FLACC1: variants seen among roughly 807,000 people sequenced by gnomAD.
The protein encoded by FLACC1 is flagellum-associated coiled-coil domain-containing protein 1.
A neutral mutation model predicts 62.8 loss-of-function variants in FLACC1; 66 were observed. That is an observed-to-expected ratio of 1.05 (90% CI 0.86 to 1.29). FLACC1 has a LOEUF of 1.29. Among genes scored for constraint, FLACC1 ranks in the 50% most tolerant of loss-of-function variants. The pLI, the probability that FLACC1 is intolerant of heterozygous loss-of-function variation, is 0.00. For missense variants in FLACC1, 452 were observed against 489.1 expected (o/e 0.92, Z 0.71); for synonymous variants, 156 against 161.0 (o/e 0.97, Z 0.24).
chr2:201,326,837 T>A lies in FLACC1; in HGVS notation c.675+3633A>T, dbSNP rs1950508394. Among the ~76,000 whole-genome samples the A allele has an allele frequency of 6.6e-6, 1 of 152,060 alleles. No individual in the cohort carries two copies. Among genetic ancestry groups the A allele is most frequent in the Admixed American group, 6.5e-5 (1 of 15,270 alleles). ...TAGAAAAAAAGTTCTAAAATTCATA[T>A]GGAACCAAAAAAGAGCCAGAATAGC... is the stretch of plus-strand genomic sequence containing the variant. On this transcript the variant is annotated intron_variant, in intron 9 of 14. Coordinates refer to ENST00000392257, the MANE Select transcript of FLACC1 (RefSeq NM_001127391.3). The surrounding 1 kb of genome is among the most constrained non-coding windows in gnomAD (Gnocchi z 4.1).
chr2:201,326,227 TG>T lies in FLACC1; in HGVS notation c.675+4242del, dbSNP rs139007758. ...AACATCATACTGAATGGAAAAAAGT[TG>T]AAAGCATTCCCCTTGAGAACCGGAA... is the stretch of plus-strand genomic sequence containing the variant. On this transcript the variant is annotated intron_variant, in intron 9 of 14. Transcript: ENST00000392257. This position sits in a 1 kb window ranked among gnomAD's most constrained non-coding sequence, Gnocchi z 4.1. Among the ~76,000 whole-genome samples, 18,765 of 152,194 alleles carry T rather than the reference TG, an allele frequency of 0.12. 1,478 individuals are homozygous for T. Among genetic ancestry groups the T allele is most frequent in the African/African-American group, 0.22 (8,998 of 41,516 alleles).
chr2:201,302,522 C>T (rs1283436907), intron 11 of FLACC1, among the ~76,000 whole-genome samples: 4 of 152,102 alleles, frequency 2.6e-5, no homozygotes, highest in African/African-American at 4.8e-5. Context: ...GACAGTTCCA[C>T]GAGACAGAAA....
chr2:201,307,587 C>G lies in FLACC1; in HGVS notation c.811G>C (p.Gly271Arg), dbSNP rs1402532923. 6.2e-7 allele frequency: 1 copy of G among 1,614,044 alleles called. No individual in the cohort carries two copies. Among genetic ancestry groups the G allele is most frequent in the African/African-American group, 1.3e-5 (1 of 74,938 alleles). The change falls in exon 11 of 15, where the codon GGA becomes CGA. Residue 271 changes from glycine (G) to arginine (R), a missense_variant. Around this residue, in one of 3 missense-constraint regions of FLACC1, gnomAD observed 301 missense variants for 318.4 expected, o/e 0.95. Coordinates refer to ENST00000392257, the MANE Select transcript of FLACC1 (RefSeq NM_001127391.3). ...KMTKKFEMES[G>R]EEDKKINESC... ...TCATTTATTTTCTTATCTTCTTCTC[C>G]TGACTCCATTTCGAATTTTTTGGTC...
chr2:201,295,876 A>C (rs1949849874), intron 12 of FLACC1, among the ~76,000 whole-genome samples: 1 of 152,268 alleles, frequency 6.6e-6, no homozygotes, highest in Non-Finnish European at 1.5e-5. Context: ...ACTTCTCAAA[A>C]GAAGACATTT....
chr2:201,349,015 C>G (rs1025722187), intron 3 of FLACC1, among the ~76,000 whole-genome samples: 1 of 152,176 alleles, frequency 6.6e-6, no homozygotes. Flanking sequence ...GATAATCTCT[C>G]CAACTGAAGG....
At chr2:201,328,728 G>A (rs552512560) in intron 9 of FLACC1, among the ~76,000 whole-genome samples, 111 of 152,210 alleles carry the variant, frequency 7.3e-4, no homozygotes, top group African/African-American at 2.6e-3. Context: ...ACCGGCCTAT[G>A]GTCAAATTTA....
At position 201,341,226 on chromosome 2, in the gene FLACC1, A is replaced by G. The variant is rs9288319; in HGVS notation, c.524+1144T>C. 2.7e-3 allele frequency among the ~76,000 whole-genome samples: 409 copies of G among 152,214 alleles called. 2 individuals carry two copies. Among genetic ancestry groups the G allele is most frequent in the African/African-American group, 9.5e-3 (394 of 41,536 alleles). ...TAAATGTGTAAATGGCTATGACTCAACTAAGAGTGCTATCTCTCCACCAGG... is the reference window on the plus strand; with the variant it reads ...TAAATGTGTAAATGGCTATGACTCAGCTAAGAGTGCTATCTCTCCACCAGG... On this transcript the variant is annotated intron_variant, in intron 7 of 14. Coordinates refer to ENST00000392257, the MANE Select transcript of FLACC1 (RefSeq NM_001127391.3).
At chr2:201,348,084 T>C in intron 4 of FLACC1, 170 bp downstream of exon 4, 1 of 563,566 alleles carries the variant, frequency 1.8e-6, no homozygotes, top group East Asian at 3.5e-5. Flanking sequence ...GTTCAAGTCG[T>C]GGTTCTTCCA....
intron 7 of FLACC1, among the ~76,000 whole-genome samples, chr2:201,337,165 T>G (rs1296720419): frequency 1.3e-5 from 2 of 152,138 alleles, no homozygotes; most frequent in Non-Finnish European, 2.9e-5. Flanking sequence ...TCTTTTTTTG[T>G]TTTTGTTGCC....
At chr2:201,332,085 AG>A (rs1415267896) in intron 7 of FLACC1, among the ~76,000 whole-genome samples, 1 of 152,138 alleles carries the variant, frequency 6.6e-6, no homozygotes, top group Non-Finnish European at 1.5e-5. Flanking sequence ...GCCTCAGCTA[AG>A]AGTGCTGTCT....
intron 9 of FLACC1, among the ~76,000 whole-genome samples, chr2:201,323,784 CAAAA>C (rs71022362): frequency 1.9e-5 from 1 of 52,768 alleles, no homozygotes; most frequent in Non-Finnish European, 3.3e-5. Context: ...CAGACTCTAT[CAAAA>C]AAAAAAAAAA....
At chr2:201,302,747 C>A (rs1950012441) in intron 11 of FLACC1, among the ~76,000 whole-genome samples, 1 of 152,206 alleles carries the variant, frequency 6.6e-6, no homozygotes, top group Non-Finnish European at 1.5e-5. Context: ...GACCACAGTG[C>A]AATCAAACTA....
At position 201,323,784 on chromosome 2, in the gene FLACC1, C is replaced by CAAAAAAA. The variant is rs71022362; in HGVS notation, c.675+6679_675+6685dup. Among the ~76,000 whole-genome samples, 16 of 52,762 alleles carry CAAAAAAA rather than the reference C, an allele frequency of 3.0e-4. 1 individual carries two copies. The South Asian group carries it at 3.4e-3, about 11-fold the overall frequency. 34.6% of individuals were successfully genotyped at this position (52,762 alleles called of 152,430 possible). A position where few individuals can be genotyped will look rare whatever the true frequency, so the allele number is the denominator to read the frequency against. On this transcript the variant is annotated intron_variant, in intron 9 of 14. Transcript: ENST00000392257. ...CCTGGGCAACAGAGCCAGACTCTAT[C>CAAAAAAA]AAAAAAAAAAAAAAAAAAAGTAAGG...
At chr2:201,333,214 T>G (rs1950628554) in intron 7 of FLACC1, among the ~76,000 whole-genome samples, 1 of 152,162 alleles carries the variant, frequency 6.6e-6, no homozygotes, top group Non-Finnish European at 1.5e-5. Flanking sequence ...CTTCAACACT[T>G]GTTATCTTTC....
intron 7 of FLACC1, among the ~76,000 whole-genome samples, chr2:201,331,370 C>G (rs1259163727): frequency 6.6e-6 from 1 of 152,124 alleles, no homozygotes; most frequent in African/African-American, 2.4e-5. Context: ...CCAGCATGAC[C>G]ACAGATTCCC....
chr2:201,346,721 T>C lies in FLACC1; in HGVS notation c.235-46A>G. On this transcript the variant is annotated intron_variant, in intron 4 of 14. Transcript: ENST00000392257. The surrounding 1 kb of genome is among the most constrained non-coding windows in gnomAD (Gnocchi z 4.0). ...AGATAAAATGGCAGACTTGGAGTGC[T>C]GAGATTTTTCCAAATCTTCTCTTAT... 6.2e-7 allele frequency: 1 copy of C among 1,610,388 alleles called. No homozygotes were observed. Among genetic ancestry groups the C allele is most frequent in the Non-Finnish European group, 8.5e-7 (1 of 1,178,742 alleles).
chr2:201,292,283 C>T (rs528848769), intron 12 of FLACC1, among the ~76,000 whole-genome samples: 8 of 152,264 alleles, frequency 5.3e-5, no homozygotes, highest in East Asian at 1.9e-4. Flanking sequence ...AGAGAAAGCT[C>T]GGGTTACCCA....
chr2:201,319,005 G>A (rs574499352), intron 9 of FLACC1, among the ~76,000 whole-genome samples: 3 of 152,062 alleles, frequency 2.0e-5, no homozygotes, highest in African/African-American at 7.2e-5. Flanking sequence ...TATACTGCTC[G>A]GGTGATGGGC....
chr2:201,331,870 A>G (rs1279849928), intron 7 of FLACC1, among the ~76,000 whole-genome samples: 1 of 152,204 alleles, frequency 6.6e-6, no homozygotes, highest in Non-Finnish European at 1.5e-5. Flanking sequence ...GGTGATAATG[A>G]TGTGTCAATA....
Sources: allele counts gnomAD v4.1 joint callset (sites outside exome capture counted in the v4.1 genomes callset), GRCh38; gene constraint gnomAD v4.1.1; regional missense constraint gnomAD v4.1.1; non-coding constraint Gnocchi (gnomAD v3.1); transcripts MANE v1.5; gene names NCBI Gene and HGNC (gene_info 2026-07-23, HGNC 2026-07-21).